The following TNKS variants were observed in gnomAD, a reference collection of about 807,000 sequenced individuals.
The protein encoded by TNKS is poly [ADP-ribose] polymerase tankyrase-1.
In TNKS, 72 loss-of-function variants were observed where a neutral mutation model predicts 135.8. That is an observed-to-expected ratio of 0.53 (90% CI 0.44 to 0.64). The LOEUF is 0.64. TNKS is among the 30% of genes least tolerant of loss of function. The pLI is 0.00. For synonymous variants in TNKS, 849 were observed against 649.3 expected (o/e 1.31, Z -4.68); for missense variants, 1,769 against 1,674.0 (o/e 1.06, Z -0.99).
intron 22 of TNKS, 37 bp from the exon 23 acceptor site, chr8:9,764,677 CTG>C: frequency 6.7e-7 from 1 of 1,495,788 alleles, no homozygotes; most frequent in Non-Finnish European, 9.1e-7. Flanking sequence ...GAATTACACA[CTG>C]GGATGTTTTT....
At chr8:9,607,059 C>G (rs868578530) in intron 2 of TNKS, among the ~76,000 whole-genome samples, 2 of 152,002 alleles carry the variant, frequency 1.3e-5, no homozygotes, top group Non-Finnish European at 2.9e-5. Flanking sequence ...TTTTTGCATT[C>G]TTAAAAATTA....
intron 2 of TNKS, among the ~76,000 whole-genome samples, chr8:9,595,754 G>T (rs1473367264): frequency 6.6e-6 from 1 of 152,048 alleles, no homozygotes; most frequent in Non-Finnish European, 1.5e-5. Context: ...GCCCAGGTCT[G>T]TCTGTCTAAT....
At chr8:9,673,597 C>A (rs1188240833) in intron 3 of TNKS, among the ~76,000 whole-genome samples, 2 of 152,022 alleles carry the variant, frequency 1.3e-5, no homozygotes, top group South Asian at 2.1e-4. Context: ...GCACGTGCCA[C>A]CACGCCCAGC....
intron 1 of TNKS, among the ~76,000 whole-genome samples, chr8:9,576,348 G>A: frequency 6.6e-6 from 1 of 152,088 alleles, no homozygotes; most frequent in Middle Eastern, 3.2e-3. Flanking sequence ...GGCTGTACAG[G>A]AAACATGGGT....
intron 2 of TNKS, among the ~76,000 whole-genome samples, chr8:9,592,010 A>C (rs1466802370): frequency 6.6e-6 from 1 of 152,206 alleles, no homozygotes; most frequent in African/African-American, 2.4e-5. Context: ...CAGCTATTTC[A>C]TGTGAAAACT....
chr8:9,766,231 A>G lies in TNKS; in HGVS notation c.3554-8A>G. The G allele has an allele frequency of 7.5e-6, 12 of 1,592,950 alleles. No individual in the cohort carries two copies. The highest frequency in any genetic ancestry group is 1.0e-5 in the Non-Finnish European group (12 of 1,166,878). On this transcript the variant is annotated splice_polypyrimidine_tract_variant and splice_region_variant and intron_variant, in intron 24 of 26. Coordinates refer to ENST00000310430, the MANE Select transcript of TNKS (RefSeq NM_003747.3). ...CAAAAACGAATCTTTCTGTCTTCGT[A>G]TTTCTAGGTTCTCCTTTCATTAATG...
chr8:9,667,628 A>G (rs1802058556), intron 3 of TNKS, among the ~76,000 whole-genome samples: 1 of 152,200 alleles, frequency 6.6e-6, no homozygotes, highest in Non-Finnish European at 1.5e-5. Context: ...ATAGTCTGTC[A>G]TTGATTTACA....
intron 12 of TNKS, among the ~76,000 whole-genome samples, chr8:9,722,792 A>G (rs1250885840): frequency 5.3e-5 from 8 of 152,196 alleles, no homozygotes; most frequent in Non-Finnish European, 1.0e-4. Context: ...TCAGGCAAAC[A>G]CATAGCTTTG....
At chr8:9,754,404 A>G (rs1806727047) in intron 20 of TNKS, among the ~76,000 whole-genome samples, 1 of 152,146 alleles carries the variant, frequency 6.6e-6, no homozygotes, top group South Asian at 2.1e-4. Context: ...CCTTTGGCCC[A>G]TTATGGTTCC....
At chr8:9,663,338 A>C (rs1404411908) in intron 3 of TNKS, among the ~76,000 whole-genome samples, 1 of 152,220 alleles carries the variant, frequency 6.6e-6, no homozygotes, top group African/African-American at 2.4e-5. Context: ...TTTGAGGATT[A>C]AGTGAGTTTA....
chr8:9,556,696 G>T (rs753562998), intron 1 of TNKS, 84 bp downstream of exon 1: 8 of 1,484,352 alleles, frequency 5.4e-6, no homozygotes, highest in Non-Finnish European at 6.5e-6. Flanking sequence ...TTATTGTGAT[G>T]GGACAAAGTG....
At chr8:9,649,385 A>T (rs1323917094) in intron 3 of TNKS, among the ~76,000 whole-genome samples, 2 of 152,226 alleles carry the variant, frequency 1.3e-5, no homozygotes, top group East Asian at 3.8e-4. Context: ...TTTAAAGATC[A>T]TATCCAGGCT....
chr8:9,698,681 C>A (rs537881180), intron 5 of TNKS, among the ~76,000 whole-genome samples: 16 of 152,250 alleles, frequency 1.1e-4, no homozygotes, highest in African/African-American at 3.9e-4. Context: ...CCTGGACTTA[C>A]GTTGAAGCCA....
intron 3 of TNKS, among the ~76,000 whole-genome samples, chr8:9,642,941 C>T (rs1423544026): frequency 6.9e-6 from 1 of 145,972 alleles, no homozygotes; most frequent in African/African-American, 2.5e-5. Flanking sequence ...ACTCTACCCC[C>T]ATAATAGTAA....
At chr8:9,681,683 T>A (rs1035890768) in intron 5 of TNKS, among the ~76,000 whole-genome samples, 1 of 152,162 alleles carries the variant, frequency 6.6e-6, no homozygotes, top group African/African-American at 2.4e-5. Flanking sequence ...AGTGAAAATG[T>A]TACGGCAAAT....
At chr8:9,771,654 T>G (rs1328814544) in intron 26 of TNKS, among the ~76,000 whole-genome samples, 59 of 39,574 alleles carry the variant, frequency 1.5e-3, no homozygotes, top group Admixed American at 6.1e-3. Flanking sequence ...GAGGGATGAA[T>G]GGAGGGGAGA....
chr8:9,630,520 C>G (rs1226656222), intron 3 of TNKS, among the ~76,000 whole-genome samples: 1 of 152,198 alleles, frequency 6.6e-6, no homozygotes, highest in Admixed American at 6.5e-5. Flanking sequence ...CTTAAATAAA[C>G]TAACAGACTT....
In TNKS at chr8:9,777,009, T is replaced by G; in HGVS notation, c.*273T>G. 1 of 408,578 alleles carries G rather than the reference T, an allele frequency of 2.4e-6. No individual in the cohort carries two copies. Among genetic ancestry groups the G allele is most frequent in the Non-Finnish European group, 4.4e-6 (1 of 225,780 alleles). The allele number at this position is 408,578 out of a possible 1,614,324, so 25.3% of individuals were successfully genotyped here. ...GCAATTATCCATTTCTAAAACAAGA[T>G]TGCTTCGATCTAGACTTGGAAATGG... On this transcript the variant is annotated 3_prime_UTR_variant, in exon 27 of 27. Coordinates refer to ENST00000310430, the MANE Select transcript of TNKS (RefSeq NM_003747.3).
chr8:9,642,605 A>C (rs2128777199), intron 3 of TNKS, among the ~76,000 whole-genome samples: 1 of 146,512 alleles, frequency 6.8e-6, no homozygotes, highest in South Asian at 2.2e-4. Context: ...TAAATCTTTC[A>C]GTGTTCTTGA....
Sources: allele counts gnomAD v4.1 joint callset (sites outside exome capture counted in the v4.1 genomes callset), GRCh38; gene constraint gnomAD v4.1.1; transcripts MANE v1.5; gene names NCBI Gene and HGNC (gene_info 2026-07-23, HGNC 2026-07-21).